The following SIPA1L1 variants were observed in gnomAD, a reference collection of about 807,000 sequenced individuals.
SIPA1L1 encodes the protein signal-induced proliferation-associated 1-like protein 1.
Under a neutral mutation model 162.7 loss-of-function variants are expected in SIPA1L1, and 26 were observed. The ratio of observed to expected loss-of-function variants is 0.16; its 90% CI spans 0.12 to 0.22. The LOEUF (loss-of-function observed/expected upper bound fraction) is 0.22. Among genes scored for constraint, SIPA1L1 ranks in the 10% least tolerant of loss-of-function variants. The pLI, the probability that SIPA1L1 is intolerant of heterozygous loss-of-function variation, is 1.00. For missense variants in SIPA1L1, 1,874 were observed against 2,241.0 expected (o/e 0.84, Z 3.31); for synonymous variants, 829 against 837.4 (o/e 0.99, Z 0.17).
intron 2 of SIPA1L1, among the ~76,000 whole-genome samples, chr14:71,428,196 A>G (rs2043723266): frequency 6.6e-6 from 1 of 151,492 alleles, no homozygotes. Flanking sequence ...TTTGTTTGCC[A>G]TGTTGGCCAG....
chr14:71,731,593 A>C (rs2084789016), intron 20 of SIPA1L1, among the ~76,000 whole-genome samples: 1 of 151,954 alleles, frequency 6.6e-6, no homozygotes, highest in Admixed American at 6.6e-5. Context: ...TGTACTTTTA[A>C]TTTGCCTTTG....
intron 2 of SIPA1L1, among the ~76,000 whole-genome samples, chr14:71,429,148 C>G (rs1224135267): frequency 2.6e-5 from 4 of 152,086 alleles, no homozygotes; most frequent in African/African-American, 9.7e-5. Context: ...TATTTAATCC[C>G]AAGTCACTTG....
intron 2 of SIPA1L1, among the ~76,000 whole-genome samples, chr14:71,440,282 C>T (rs1178499175): frequency 6.6e-6 from 1 of 152,098 alleles, no homozygotes; most frequent in African/African-American, 2.4e-5. Context: ...CTGTCTCCAC[C>T]TCCCAAAGTG....
At chr14:71,577,743 T>C (rs2147198273) in intron 4 of SIPA1L1, among the ~76,000 whole-genome samples, 1 of 145,968 alleles carries the variant, frequency 6.9e-6, no homozygotes, top group African/African-American at 2.6e-5. Flanking sequence ...TTTTTTTTTT[T>C]TTTTTTTTGA....
chr14:71,638,781 C>G (rs1385309605), intron 7 of SIPA1L1, among the ~76,000 whole-genome samples: 1 of 152,200 alleles, frequency 6.6e-6, no homozygotes, highest in East Asian at 1.9e-4. Context: ...CAACCTGGAA[C>G]TGCAAAATGT....
intron 2 of SIPA1L1, among the ~76,000 whole-genome samples, chr14:71,390,433 C>T (rs2040653927): frequency 6.6e-6 from 1 of 152,132 alleles, no homozygotes; most frequent in Non-Finnish European, 1.5e-5. Flanking sequence ...ATGTACATAG[C>T]TATTCTTCAA....
intron 13 of SIPA1L1, among the ~76,000 whole-genome samples, chr14:71,688,243 G>GC (rs1253435507): frequency 1.3e-5 from 2 of 152,152 alleles, no homozygotes; most frequent in Non-Finnish European, 2.9e-5. Context: ...AACGTTTTGA[G>GC]CACTGACATG....
At position 71,350,109 on chromosome 14, in the gene SIPA1L1, G is replaced by A. The variant is rs75932452; in HGVS notation, c.-465+28928G>A. 9.9e-3 allele frequency among the ~76,000 whole-genome samples: 1,501 copies of A among 152,200 alleles called. 31 individuals are homozygous for A. The highest frequency in any genetic ancestry group is 0.035 in the African/African-American group (1,440 of 41,500). ...AAACTTTTTAGAAGTGGGAGGTCTCGAACTCCTATTCGTGATCACAGACCT... is the reference window on the plus strand; with the variant it reads ...AAACTTTTTAGAAGTGGGAGGTCTCAAACTCCTATTCGTGATCACAGACCT... On this transcript the variant is annotated intron_variant, in intron 2 of 23. Coordinates refer to ENST00000381232, the MANE Select transcript of SIPA1L1 (RefSeq NM_001386936.1).
intron 2 of SIPA1L1, among the ~76,000 whole-genome samples, chr14:71,335,217 G>A (rs1205394444): frequency 1.3e-5 from 2 of 152,150 alleles, no homozygotes; most frequent in African/African-American, 4.8e-5. Context: ...GGAGAATGGA[G>A]TGTGAACCCA....
intron 2 of SIPA1L1, among the ~76,000 whole-genome samples, chr14:71,399,738 T>C (rs1270345973): frequency 6.6e-6 from 1 of 151,736 alleles, no homozygotes; most frequent in Non-Finnish European, 1.5e-5. Context: ...TATTTTATTT[T>C]TTTTTGAGAT....
chr14:71,437,311 C>G (rs2141108319), intron 2 of SIPA1L1, among the ~76,000 whole-genome samples: 1 of 152,112 alleles, frequency 6.6e-6, no homozygotes, highest in Non-Finnish European at 1.5e-5. Flanking sequence ...CCCAGGAGTT[C>G]AAAACCAGCC....
Position 71,685,641 on chromosome 14 carries a change from C to T in SIPA1L1, c.3374+10C>T. 3.1e-6 allele frequency: 5 copies of T among 1,613,344 alleles called. No homozygotes were observed. The highest frequency in any genetic ancestry group is 4.2e-6 in the Non-Finnish European group (5 of 1,179,490). On this transcript the variant is annotated intron_variant, in intron 13 of 23. Coordinates refer to ENST00000381232, the MANE Select transcript of SIPA1L1 (RefSeq NM_001386936.1). ...GCCCACTAGAGAGGCGGTAAGTGTG[C>T]CTTCAAAGGTTTGCTCTATCTCTCT...
chr14:71,723,708 A>C lies in SIPA1L1; in HGVS notation c.4270A>C (p.Lys1424Gln). The change falls in exon 18 of 24, where the codon AAA becomes CAA. Residue 1424 changes from lysine (K) to glutamine (Q), a missense_variant. Physicochemically the swap from Lys to Gln is moderately conservative, Grantham distance 53. This residue lies in a region of SIPA1L1 where 936 missense variants were observed against 1,051.9 expected (regional missense o/e 0.89). Coordinates refer to ENST00000381232, the MANE Select transcript of SIPA1L1 (RefSeq NM_001386936.1). ...VVFTSARSSP[K>Q]EELHPAAPSQ... ...TTTCACCAGTGCCCGGAGTTCACCT[A>C]AAGAAGAGCTTCATCCAGCTGCCCC... is the stretch of plus-strand genomic sequence containing the variant. The C allele has an allele frequency of 6.2e-7, 1 of 1,614,110 alleles. No individual in the cohort carries two copies. The highest frequency in any genetic ancestry group is 2.2e-5 in the East Asian group (1 of 44,864).
intron 13 of SIPA1L1, among the ~76,000 whole-genome samples, chr14:71,686,264 A>G (rs1331077429): frequency 6.6e-6 from 1 of 152,218 alleles, no homozygotes; most frequent in East Asian, 1.9e-4. Flanking sequence ...ATTGAAAGCC[A>G]TAGAGAGTTC....
intron 2 of SIPA1L1, among the ~76,000 whole-genome samples, chr14:71,455,314 C>T (rs965217875): frequency 3.4e-4 from 52 of 152,048 alleles, no homozygotes; most frequent in Non-Finnish European, 8.8e-5. Flanking sequence ...TGATTGATTC[C>T]AAATGATTGT....
chr14:71,355,242 A>G (rs150643843), intron 2 of SIPA1L1, among the ~76,000 whole-genome samples: 29 of 152,336 alleles, frequency 1.9e-4, no homozygotes, highest in African/African-American at 6.7e-4. Flanking sequence ...GTCTTTGCCA[A>G]GTAATTGTAT....
intron 2 of SIPA1L1, among the ~76,000 whole-genome samples, chr14:71,490,645 C>T (rs61989377): frequency 0.16 from 24,951 of 152,164 alleles, 2,649 homozygotes; most frequent in Middle Eastern, 0.35. Flanking sequence ...TGAACATCTC[C>T]AAGATTGTTG....
intron 2 of SIPA1L1, among the ~76,000 whole-genome samples, chr14:71,325,953 G>C (rs565283776): frequency 1.3e-5 from 2 of 152,260 alleles, no homozygotes; most frequent in South Asian, 4.1e-4. Flanking sequence ...GCCAGCTTGG[G>C]GAGGGAGAAT....
At chr14:71,601,130 A>G (rs531505001) in intron 5 of SIPA1L1, among the ~76,000 whole-genome samples, 2 of 151,930 alleles carry the variant, frequency 1.3e-5, no homozygotes, top group East Asian at 3.9e-4. Flanking sequence ...AACTTCCAAT[A>G]CTGTATTGGA....
Sources: allele counts gnomAD v4.1 joint callset (sites outside exome capture counted in the v4.1 genomes callset), GRCh38; gene constraint gnomAD v4.1.1; regional missense constraint gnomAD v4.1.1; transcripts MANE v1.5; gene names NCBI Gene and HGNC (gene_info 2026-07-23, HGNC 2026-07-21).